The following TRPC3 variants were observed in gnomAD, a reference collection of about 807,000 sequenced individuals.
The protein encoded by TRPC3 is short transient receptor potential channel 3.
Under a neutral mutation model 90.9 loss-of-function variants are expected in TRPC3, and 54 were observed. That is an observed-to-expected ratio of 0.59 (90% CI 0.48 to 0.75). TRPC3 has a LOEUF of 0.75. TRPC3 is among the 30% of genes least tolerant of loss of function. The pLI, the probability that TRPC3 is intolerant of heterozygous loss-of-function variation, is 0.00. For missense variants in TRPC3, 918 were observed against 1,194.5 expected (o/e 0.77, Z 3.41); for synonymous variants, 424 against 450.9 (o/e 0.94, Z 0.75).
chr4:121,937,652 C>T (rs987890555), intron 1 of TRPC3, among the ~76,000 whole-genome samples: 1 of 152,096 alleles, frequency 6.6e-6, no homozygotes, highest in Non-Finnish European at 1.5e-5. Context: ...TTCTTTGTAC[C>T]TTTTATGAGG....
chr4:121,943,192 C>G (rs542793094), intron 1 of TRPC3, among the ~76,000 whole-genome samples: 1 of 151,834 alleles, frequency 6.6e-6, no homozygotes, highest in Admixed American at 6.6e-5. Flanking sequence ...ATTTTCCCCC[C>G]CTAGATTACA....
intron 10 of TRPC3, among the ~76,000 whole-genome samples, chr4:121,883,207 A>G (rs1728003324): frequency 6.6e-6 from 1 of 152,062 alleles, no homozygotes; most frequent in Non-Finnish European, 1.5e-5. Flanking sequence ...TATATAAGAG[A>G]GTATATTTAT....
At chr4:121,883,676 G>A (rs1243794306) in intron 10 of TRPC3, among the ~76,000 whole-genome samples, 3 of 152,246 alleles carry the variant, frequency 2.0e-5, no homozygotes, top group East Asian at 1.9e-4. Flanking sequence ...TATTTTACTG[G>A]CAAGACTGCA....
rs199887234 is a variant in TRPC3, at chr4:121,932,811, G to A, written c.447C>T (p.Asn149=). 58 of 1,610,370 alleles carry A rather than the reference G, an allele frequency of 3.6e-5. 1 individual carries two copies. In the South Asian group the frequency reaches 5.6e-4, roughly 16 times the overall value. The part of the protein sequence containing the change: ...NVNCVDYMGQ[N]ALQLAVGNEH... The stretch of plus-strand genomic sequence containing the variant: ...CGTTGCCCACAGCCAGCTGCAGCGC[G>A]TTCTGGCCCATGTAGTCCACGCAGT... The change falls in exon 2 of 12, where the codon AAC becomes AAT. Residue 149 remains asparagine, a synonymous_variant. Transcript: ENST00000379645. The surrounding 1 kb of genome is among the most constrained non-coding windows in gnomAD (Gnocchi z 7.7).
rs201614591 is a variant in TRPC3, at chr4:121,932,990, C to T, written c.268G>A (p.Gly90Ser). Reference protein sequence around the residue: ...LRRMTVMREKGRRQAVRGPAF... With the variant: ...LRRMTVMREKSRRQAVRGPAF... ...GGGCCCCTGACAGCCTGGCGCCGGC[C>T]CTTCTCCCGCATCACTGTCATGCGT... The change falls in exon 2 of 12, where the codon GGC becomes AGC. Residue 90 changes from glycine (G) to serine (S), a missense_variant. Physicochemically the swap from Gly to Ser is moderately conservative, Grantham distance 56. This residue lies in a region of TRPC3 where 609 missense variants were observed against 725.9 expected (regional missense o/e 0.84). Transcript: ENST00000379645. This position sits in a 1 kb window ranked among gnomAD's most constrained non-coding sequence, Gnocchi z 7.7. The T allele has an allele frequency of 6.2e-7, 1 of 1,608,332 alleles. No homozygotes were observed. The highest frequency in any genetic ancestry group is 8.5e-7 in the Non-Finnish European group (1 of 1,176,608).
chr4:121,899,235 T>C (rs530282739), intron 10 of TRPC3, among the ~76,000 whole-genome samples: 18 of 152,228 alleles, frequency 1.2e-4, no homozygotes, highest in African/African-American at 3.1e-4. Context: ...AAAAACAAGT[T>C]TTCCTGCCAT....
chr4:121,929,945 G>A (rs1013824630), intron 2 of TRPC3, among the ~76,000 whole-genome samples: 1 of 151,996 alleles, frequency 6.6e-6, no homozygotes, highest in African/African-American at 2.4e-5. Context: ...CCATGGAATA[G>A]GGCAAATTAG....
At chr4:121,930,401 T>C (rs1011334130) in intron 2 of TRPC3, among the ~76,000 whole-genome samples, 4 of 152,174 alleles carry the variant, frequency 2.6e-5, no homozygotes, top group Admixed American at 2.0e-4. Flanking sequence ...ATTTGTGATA[T>C]TTCCCCACCC....
At position 121,948,246 on chromosome 4, in the gene TRPC3, A is replaced by G. The variant is rs562823530; in HGVS notation, c.215+3220T>C. 2.0e-5 allele frequency among the ~76,000 whole-genome samples: 3 copies of G among 152,084 alleles called. No homozygotes were observed. The East Asian group carries it at 5.8e-4, about 29-fold the overall frequency. ...CCTCACCTTTGCTTTTTTCTTGTCAACAATGGCATCAACCATGTTGGTTAT... is the reference window on the plus strand; with the variant it reads ...CCTCACCTTTGCTTTTTTCTTGTCAGCAATGGCATCAACCATGTTGGTTAT... On this transcript the variant is annotated intron_variant, in intron 1 of 11. Coordinates refer to ENST00000379645, the MANE Select transcript of TRPC3 (RefSeq NM_001130698.2).
chr4:121,929,980 G>A (rs1729845550), intron 2 of TRPC3, among the ~76,000 whole-genome samples: 2 of 152,080 alleles, frequency 1.3e-5, no homozygotes, highest in Admixed American at 1.3e-4. Context: ...TCAGAAATGA[G>A]CTTCACTTTT....
intron 10 of TRPC3, among the ~76,000 whole-genome samples, chr4:121,888,029 G>A (rs1448759277): frequency 6.6e-6 from 1 of 150,814 alleles, no homozygotes; most frequent in Non-Finnish European, 1.5e-5. Context: ...GCGTCTTGCT[G>A]TGTCACCAGG....
At chr4:121,910,451 G>C in intron 5 of TRPC3, 64 bp from the exon 6 acceptor site, 1 of 1,315,368 alleles carries the variant, frequency 7.6e-7, no homozygotes, top group Non-Finnish European at 1.1e-6. Flanking sequence ...AGCCATTATT[G>C]TGTCCACCAT....
At chr4:121,893,257 T>G (rs974414392) in intron 10 of TRPC3, among the ~76,000 whole-genome samples, 37 of 152,252 alleles carry the variant, frequency 2.4e-4, no homozygotes, top group African/African-American at 8.7e-4. Context: ...CATGTATGTG[T>G]GTTTTGTTTG....
At chr4:121,880,708 G>C (rs1727913063) in intron 11 of TRPC3, among the ~76,000 whole-genome samples, 2 of 152,272 alleles carry the variant, frequency 1.3e-5, no homozygotes, top group South Asian at 4.1e-4. Flanking sequence ...ATAAACCACT[G>C]ACCTTCAAAA....
At chr4:121,893,669 G>C (rs1728410348) in intron 10 of TRPC3, among the ~76,000 whole-genome samples, 1 of 152,016 alleles carries the variant, frequency 6.6e-6, no homozygotes, top group Non-Finnish European at 1.5e-5. Flanking sequence ...AAAAAAAGTT[G>C]TGAATGGGAA....
intron 1 of TRPC3, among the ~76,000 whole-genome samples, chr4:121,933,835 T>G (rs1730041008): frequency 6.6e-6 from 1 of 152,222 alleles, no homozygotes. Context: ...ATAGGATTTA[T>G]CTTTTCAAAG....
At position 121,907,299 on chromosome 4, in the gene TRPC3, T is replaced by G; in HGVS notation, c.2057+4A>C. 6.2e-7 allele frequency: 1 copy of G among 1,602,368 alleles called. No individual in the cohort carries two copies. Among genetic ancestry groups the G allele is most frequent in the Non-Finnish European group, 8.5e-7 (1 of 1,176,086 alleles). The stretch of plus-strand genomic sequence containing the variant: ...ATACCTGTATAATAAGATATTTTAC[T>G]TACGTGGTAAAAGCAGCATTAACTT... On this transcript the variant is annotated splice_donor_region_variant and intron_variant, in intron 7 of 11. Transcript: ENST00000379645.
chr4:121,921,971 T>A (rs960553273), intron 3 of TRPC3, among the ~76,000 whole-genome samples: 4 of 149,188 alleles, frequency 2.7e-5, no homozygotes, highest in African/African-American at 7.4e-5. Flanking sequence ...CAGGCTGCAG[T>A]GCAGTGGCGT....
At chr4:121,903,341 T>G (rs925163396) in intron 8 of TRPC3, among the ~76,000 whole-genome samples, 4 of 151,942 alleles carry the variant, frequency 2.6e-5, no homozygotes, top group Admixed American at 6.6e-5. Flanking sequence ...AAAAATAGAG[T>G]GCCAAGGAAG....
Sources: allele counts gnomAD v4.1 joint callset (sites outside exome capture counted in the v4.1 genomes callset), GRCh38; gene constraint gnomAD v4.1.1; regional missense constraint gnomAD v4.1.1; non-coding constraint Gnocchi (gnomAD v3.1); transcripts MANE v1.5; gene names NCBI Gene and HGNC (gene_info 2026-07-23, HGNC 2026-07-21).